TENT5D: variants seen among roughly 807,000 people sequenced by gnomAD.
The protein encoded by TENT5D is terminal nucleotidyltransferase 5D.
For missense variants in TENT5D, 191 were observed against 287.0 expected, an observed-to-expected ratio of 0.67 and a Z score of 2.42; for synonymous variants, 103 against 100.6, an observed-to-expected ratio of 1.02 and a Z score of -0.15.
intron 2 of TENT5D, among the ~76,000 whole-genome samples, chrX:80,339,466 G>T (rs1929915897): frequency 1.8e-5 from 2 of 111,201 alleles, no homozygotes; most frequent in African/African-American, 3.3e-5. Context: ...GGTGTTTTAG[G>T]TTTAATTTGA....
intron 2 of TENT5D, among the ~76,000 whole-genome samples, chrX:80,339,661 G>T (rs1929918938): frequency 9.1e-6 from 1 of 110,152 alleles, no homozygotes; most frequent in African/African-American, 3.3e-5. Flanking sequence ...TAATTTGGAA[G>T]TGACAAATAA....
chrX:80,397,432 C>A (rs1166003347), intron 3 of TENT5D, among the ~76,000 whole-genome samples: 1 of 107,910 alleles, frequency 9.3e-6, no homozygotes, highest in African/African-American at 3.4e-5. Context: ...CAGAGACGCT[C>A]CTCACTTTCC....
intron 1 of TENT5D, among the ~76,000 whole-genome samples, chrX:80,430,510 G>C (rs960298131): frequency 9.0e-6 from 1 of 111,494 alleles, no homozygotes; most frequent in African/African-American, 3.3e-5. Context: ...AGAAGGGCAG[G>C]ATTAATTTTA....
At chrX:80,433,480 A>G (rs891961267) in intron 1 of TENT5D, among the ~76,000 whole-genome samples, 4 of 112,247 alleles carry the variant, frequency 3.6e-5, no homozygotes, top group Non-Finnish European at 7.5e-5. Context: ...AGCAACACAA[A>G]CAAGTGAACA....
At chrX:80,423,026 C>G (rs986281125) in intron 1 of TENT5D, among the ~76,000 whole-genome samples, 1 of 112,115 alleles carries the variant, frequency 8.9e-6, no homozygotes, top group Admixed American at 9.5e-5. Context: ...TGTTGTACTT[C>G]AGAGTATTCT....
At chrX:80,402,499 A>G (rs1931406805) in intron 3 of TENT5D, among the ~76,000 whole-genome samples, 2 of 111,654 alleles carry the variant, frequency 1.8e-5, no homozygotes, top group Non-Finnish European at 3.8e-5. Context: ...ATTTACTTGC[A>G]GTCTTCTTTT....
chrX:80,383,344 G>A lies in TENT5D; in HGVS notation c.-142+40780G>A, dbSNP rs1370022754. ...TATCTATCTTTCAGCCACTATAAAT[G>A]TTGGCCTCTAACAGCTCACAAATTA... On this transcript the variant is annotated intron_variant, in intron 3 of 4. Coordinates refer to the TENT5D transcript ENST00000538312. 2.7e-5 allele frequency among the ~76,000 whole-genome samples: 3 copies of A among 111,426 alleles called. No individual in the cohort carries two copies. The East Asian group carries it at 8.4e-4, about 31-fold the overall frequency.
intron 3 of TENT5D, among the ~76,000 whole-genome samples, chrX:80,385,678 CA>C (rs778461661): frequency 1.1e-3 from 122 of 111,793 alleles, no homozygotes; most frequent in African/African-American, 3.7e-3. Context: ...ACCCATCTGA[CA>C]AAGGGCTAAT....
rs72029455 is a variant in TENT5D, at chrX:80,392,495, C to CTTTT, written c.-141-46086_-141-46083dup. Among the ~76,000 whole-genome samples the CTTTT allele has an allele frequency of 5.8e-4, 14 of 24,301 alleles. 2 individuals are homozygous for CTTTT. Among genetic ancestry groups the CTTTT allele is most frequent in the East Asian group, 4.2e-3 (3 of 715 alleles). 21.1% of individuals were successfully genotyped at this position (24,301 alleles called of 115,157 possible). ...TTTATAGCTTTATTCTCATTTTATTCTTTTTTTTTTTTTTTTTTTTTTTTT... is the reference window on the plus strand; with the variant it reads ...TTTATAGCTTTATTCTCATTTTATTCTTTTTTTTTTTTTTTTTTTTTTTTTTTTT... On this transcript the variant is annotated intron_variant, in intron 3 of 4. Coordinates refer to the TENT5D transcript ENST00000538312.
At chrX:80,388,419 T>A (rs1271772330) in intron 3 of TENT5D, among the ~76,000 whole-genome samples, 1 of 111,764 alleles carries the variant, frequency 8.9e-6, no homozygotes, top group African/African-American at 3.3e-5. Flanking sequence ...CCACTGCTGA[T>A]TAATCAGGGC....
intron 2 of TENT5D, among the ~76,000 whole-genome samples, chrX:80,338,763 G>A (rs1237872431): frequency 8.9e-6 from 1 of 112,167 alleles, no homozygotes; most frequent in Admixed American, 9.5e-5. Context: ...AATGAAGAGA[G>A]CATAGTGTCA....
intron 3 of TENT5D, among the ~76,000 whole-genome samples, chrX:80,348,222 A>G (rs1196793355): frequency 8.9e-6 from 1 of 111,990 alleles, no homozygotes; most frequent in African/African-American, 3.2e-5. Flanking sequence ...TCGTAGCTTG[A>G]TGGGGATACC....
In TENT5D at chrX:80,420,540, CAA is replaced by C. The variant is rs1160904742; in HGVS notation, c.-163_-162del. ...TTCAGAGTAAGACTGTTAAATTCAGCAAAGTCTACTATCAGAAGACACGGTGA... is the reference window on the plus strand; with the variant it reads ...TTCAGAGTAAGACTGTTAAATTCAGCAGTCTACTATCAGAAGACACGGTGA... On this transcript the variant is annotated 5_prime_UTR_variant, in exon 1 of 3. An upstream open reading frame in the 5' UTR loses its in-frame stop. Transcript: ENST00000308293. 2 of 111,326 alleles carry C rather than the reference CAA, an allele frequency of 1.8e-5. No individual in the cohort carries two copies. Among genetic ancestry groups the C allele is most frequent in the Non-Finnish European group, 1.9e-5 (1 of 53,123 alleles). The allele number at this position is 111,326 out of a possible 1,213,427, so 9.2% of individuals were successfully genotyped here.
intron 1 of TENT5D, among the ~76,000 whole-genome samples, chrX:80,437,003 G>T (rs1027886874): frequency 1.1e-4 from 12 of 111,781 alleles, no homozygotes; most frequent in African/African-American, 3.3e-5. Flanking sequence ...AAAATTATCT[G>T]CAGTGTTGAT....
chrX:80,378,165 A>G (rs1930773488), intron 3 of TENT5D, among the ~76,000 whole-genome samples: 2 of 111,952 alleles, frequency 1.8e-5, no homozygotes, highest in South Asian at 7.5e-4. Context: ...GATTGCAAAA[A>G]TGGTCTCCCA....
chrX:80,408,137 C>T (rs1175020827), intron 3 of TENT5D, among the ~76,000 whole-genome samples: 1 of 109,031 alleles, frequency 9.2e-6, no homozygotes, highest in African/African-American at 3.3e-5. Flanking sequence ...TAAATGCCCA[C>T]AGGAGAAAGC....
At chrX:80,441,448 C>A (rs1223214226) in intron 2 of TENT5D, among the ~76,000 whole-genome samples, 2 of 111,102 alleles carry the variant, frequency 1.8e-5, no homozygotes, top group Admixed American at 9.6e-5. Flanking sequence ...GTTTTGATAG[C>A]TCCTTAGATA....
chrX:80,341,464 G>T (rs1438536547), intron 2 of TENT5D, among the ~76,000 whole-genome samples: 2 of 111,602 alleles, frequency 1.8e-5, no homozygotes, highest in Non-Finnish European at 3.8e-5. Context: ...GAGCTGGATA[G>T]ACTATGGGTC....
chrX:80,369,750 C>A (rs1930584977), intron 3 of TENT5D, among the ~76,000 whole-genome samples: 1 of 111,114 alleles, frequency 9.0e-6, no homozygotes, highest in Non-Finnish European at 1.9e-5. Flanking sequence ...GATGTGAAAC[C>A]ATAGATACAT....
Sources: allele counts gnomAD v4.1 joint callset (sites outside exome capture counted in the v4.1 genomes callset), GRCh38; gene constraint gnomAD v4.1.1; transcripts MANE v1.5; gene names NCBI Gene and HGNC (gene_info 2026-07-23, HGNC 2026-07-21).